The following PRKN variants were observed in gnomAD, a reference collection of about 807,000 sequenced individuals.
The protein encoded by PRKN is parkin RBR E3 ubiquitin protein ligase, also known as E3 ubiquitin-protein ligase parkin.
PRKN carries 56 observed loss-of-function variants against 59.5 expected under a neutral mutation model. The ratio of observed to expected loss-of-function variants is 0.94; its 90% CI spans 0.76 to 1.18. The LOEUF is 1.18. Among genes scored for constraint, PRKN ranks in the 50% most tolerant of loss-of-function variants. The pLI is 0.00. For synonymous variants in PRKN, 250 were observed against 222.1 expected (o/e 1.13, Z -1.12); for missense variants, 657 against 596.4 (o/e 1.10, Z -1.06).
chr6:162,051,529 T>G (rs530076279), intron 5 of PRKN, among the ~76,000 whole-genome samples: 8 of 152,298 alleles, frequency 5.3e-5, no homozygotes, highest in African/African-American at 1.4e-4. Context: ...TGTTCCTGCC[T>G]GAGAGGCGAG....
chr6:162,609,139 C>T (rs1583899555), intron 1 of PRKN, among the ~76,000 whole-genome samples: 3 of 152,188 alleles, frequency 2.0e-5, no homozygotes, highest in African/African-American at 4.8e-5. Context: ...CATCAAACCC[C>T]TTTCATGTAC....
intron 1 of PRKN, among the ~76,000 whole-genome samples, chr6:162,665,145 C>T (rs1243147230): frequency 6.6e-6 from 1 of 152,090 alleles, no homozygotes; most frequent in Non-Finnish European, 1.5e-5. Flanking sequence ...CCCCCTCTCA[C>T]CACTCCTATT....
intron 7 of PRKN, among the ~76,000 whole-genome samples, chr6:161,719,952 C>G (rs942275822): frequency 6.6e-6 from 1 of 152,222 alleles, no homozygotes; most frequent in Non-Finnish European, 1.5e-5. Flanking sequence ...ACCCACTTCA[C>G]TGAGTCCGTG....
chr6:162,300,560 T>C (rs1426408948), intron 2 of PRKN, among the ~76,000 whole-genome samples: 1 of 152,144 alleles, frequency 6.6e-6, no homozygotes, highest in African/African-American at 2.4e-5. Context: ...CTGGATACTT[T>C]TCAAGTTTTC....
intron 6 of PRKN, among the ~76,000 whole-genome samples, chr6:161,864,686 T>G (rs1277668068): frequency 1.3e-5 from 2 of 152,180 alleles, no homozygotes; most frequent in Non-Finnish European, 2.9e-5. Flanking sequence ...AGACAGAATC[T>G]CGCACTGTTG....
intron 1 of PRKN, among the ~76,000 whole-genome samples, chr6:162,631,919 TAAATGC>T: frequency 6.8e-6 from 1 of 146,824 alleles, no homozygotes; most frequent in South Asian, 2.1e-4. Flanking sequence ...AATCAACAGA[TAAATGC>T]AAATCAAAAC....
chr6:162,582,250 TCTCA>T (rs1780819858), intron 1 of PRKN, among the ~76,000 whole-genome samples: 1 of 152,206 alleles, frequency 6.6e-6, no homozygotes, highest in African/African-American at 2.4e-5. Context: ...CTCCTTCAGT[TCTCA>T]CTGATTTATA....
intron 6 of PRKN, among the ~76,000 whole-genome samples, chr6:161,818,571 C>T (rs1791887755): frequency 6.6e-6 from 1 of 151,972 alleles, no homozygotes; most frequent in Non-Finnish European, 1.5e-5. Context: ...TGGACTAAAG[C>T]GATCCTCCTG....
chr6:161,524,054 A>C (rs1778933056), intron 9 of PRKN, among the ~76,000 whole-genome samples: 1 of 152,188 alleles, frequency 6.6e-6, no homozygotes, highest in Non-Finnish European at 1.5e-5. Flanking sequence ...TTTTTTCATT[A>C]AATATTTTTT....
chr6:161,874,955 T>C (rs1230104418), intron 6 of PRKN, among the ~76,000 whole-genome samples: 1 of 88,580 alleles, frequency 1.1e-5, no homozygotes, highest in Non-Finnish European at 1.9e-5. Flanking sequence ...TATAGGTACT[T>C]TATATATAAT....
chr6:161,975,425 C>T (rs79987488), intron 5 of PRKN, among the ~76,000 whole-genome samples: 12,236 of 152,156 alleles, frequency 0.08, 575 homozygotes, highest in Middle Eastern at 0.11. Context: ...GATTAATCAA[C>T]GCTATTTAAT....
intron 9 of PRKN, among the ~76,000 whole-genome samples, chr6:161,392,520 T>TCTCC (rs1786558080): frequency 6.6e-6 from 1 of 151,902 alleles, no homozygotes; most frequent in South Asian, 2.1e-4. Context: ...TCTCTCTCTC[T>TCTCC]CTCTCTCTCT....
intron 5 of PRKN, among the ~76,000 whole-genome samples, chr6:162,043,533 G>A (rs1490017149): frequency 6.6e-6 from 1 of 152,134 alleles, no homozygotes; most frequent in East Asian, 1.9e-4. Context: ...AGAGGCCAAT[G>A]GCCATGGACA....
chr6:162,007,607 A>G (rs569814575), intron 5 of PRKN, among the ~76,000 whole-genome samples: 3 of 152,282 alleles, frequency 2.0e-5, no homozygotes, highest in South Asian at 2.1e-4. Flanking sequence ...TTTATAGCAG[A>G]GCTGAGTAAG....
intron 7 of PRKN, among the ~76,000 whole-genome samples, chr6:161,754,276 GAA>G (rs989029690): frequency 2.0e-5 from 3 of 152,012 alleles, no homozygotes; most frequent in African/African-American, 7.2e-5. Context: ...ATCTCAAAGA[GAA>G]AAGTGTGGGC....
intron 6 of PRKN, among the ~76,000 whole-genome samples, chr6:161,827,833 T>A (rs941095022): frequency 4.6e-5 from 7 of 152,192 alleles, no homozygotes; most frequent in African/African-American, 1.4e-4. Flanking sequence ...TAAATTGTAG[T>A]CCACTTGCTC....
Position 162,102,782 on chromosome 6 carries a change from G to A in PRKN, c.535-48608C>T, listed in dbSNP as rs183087593. Among the ~76,000 whole-genome samples, 397 of 144,204 alleles carry A rather than the reference G, an allele frequency of 2.8e-3. 5 individuals are homozygous for A. Among genetic ancestry groups the A allele is most frequent in the African/African-American group, 0.011 (371 of 33,928 alleles). 94.6% of individuals were successfully genotyped at this position (144,204 alleles called of 152,430 possible). A position where few individuals can be genotyped will look rare whatever the true frequency, so the allele number is the denominator to read the frequency against. ...AACTTGCCCGGGCGCGGTGGCTCACGCCTGTAATCCCAGCACTTTGGGAGG... is the reference window on the plus strand; with the variant it reads ...AACTTGCCCGGGCGCGGTGGCTCACACCTGTAATCCCAGCACTTTGGGAGG... On this transcript the variant is annotated intron_variant, in intron 4 of 11. Transcript: ENST00000366898.
In PRKN at chr6:161,405,208, T is replaced by A. The variant is rs999884339; in HGVS notation, c.1084-18331A>T. ...GGTCACACAGTGACAAGATTTACAA[T>A]GGGATTTGGGGGAAAAGTCATTAGT... On this transcript the variant is annotated intron_variant, in intron 9 of 11. Coordinates refer to ENST00000366898, the MANE Select transcript of PRKN (RefSeq NM_004562.3). The surrounding 1 kb of genome is among the most constrained non-coding windows in gnomAD (Gnocchi z 5.1). Among the ~76,000 whole-genome samples the A allele has an allele frequency of 6.6e-6, 1 of 152,134 alleles. No homozygotes were observed. Among genetic ancestry groups the A allele is most frequent in the African/African-American group, 2.4e-5 (1 of 41,420 alleles).
intron 2 of PRKN, among the ~76,000 whole-genome samples, chr6:162,342,014 G>T (rs1053942174): frequency 6.6e-6 from 1 of 151,930 alleles, no homozygotes; most frequent in South Asian, 2.1e-4. Flanking sequence ...TAATGAAATA[G>T]TTTTTTTTGA....
Sources: allele counts gnomAD v4.1 joint callset (sites outside exome capture counted in the v4.1 genomes callset), GRCh38; gene constraint gnomAD v4.1.1; non-coding constraint Gnocchi (gnomAD v3.1); transcripts MANE v1.5; gene names NCBI Gene and HGNC (gene_info 2026-07-23, HGNC 2026-07-21).